Variants in SLC18A2 observed in about 807,000 individuals in gnomAD.
SLC18A2 encodes synaptic vesicular amine transporter.
A neutral mutation model predicts 59.2 loss-of-function variants in SLC18A2; 33 were observed. That is an observed-to-expected ratio of 0.56 (90% confidence interval 0.42 to 0.75). The LOEUF (loss-of-function observed/expected upper bound fraction) is 0.75. SLC18A2 is among the 30% of genes least tolerant of loss of function. The pLI, the probability that SLC18A2 is intolerant of heterozygous loss-of-function variation, is 0.00. For missense variants in SLC18A2, 569 were observed against 668.6 expected (o/e 0.85, Z 1.64); for synonymous variants, 228 against 253.5 (o/e 0.90, Z 0.95).
At chr10:117,256,085 T>A (rs1013824522) in intron 9 of SLC18A2, among the ~76,000 whole-genome samples, 1 of 152,166 alleles carries the variant, frequency 6.6e-6, no homozygotes, top group Non-Finnish European at 1.5e-5. Context: ...GAATAGAAAC[T>A]GACAGCAGAG....
chr10:117,255,251 G>C (rs1305971143), intron 6 of SLC18A2, 26 bp from the exon 7 acceptor site: 2 of 1,596,940 alleles, frequency 1.3e-6, no homozygotes, highest in African/African-American at 2.7e-5. Context: ...TCCCAGGGGT[G>C]GTGTCCCCAC....
chr10:117,273,612 T>G (rs1285487740), intron 15 of SLC18A2, among the ~76,000 whole-genome samples: 1 of 152,188 alleles, frequency 6.6e-6, no homozygotes, highest in Non-Finnish European at 1.5e-5. Context: ...ATAGACCACA[T>G]TCTGCATATT....
Position 117,244,896 on chromosome 10 carries a change from C to T in SLC18A2, c.464+583C>T, listed in dbSNP as rs363391. On this transcript the variant is annotated intron_variant, in intron 3 of 15. Transcript: ENST00000644641. ...TCTGCTGGCTACGTAGCCACGTCCA[C>T]GTGCATGAAAGGAAGAGAACTGAGG... 5.3e-3 allele frequency among the ~76,000 whole-genome samples: 807 copies of T among 152,342 alleles called. 5 individuals are homozygous for T. Among genetic ancestry groups the T allele is most frequent in the African/African-American group, 0.018 (768 of 41,576 alleles).
intron 3 of SLC18A2, among the ~76,000 whole-genome samples, chr10:117,251,292 G>A (rs1214773148): frequency 6.6e-6 from 1 of 152,178 alleles, no homozygotes; most frequent in Non-Finnish European, 1.5e-5. Context: ...AATTGCCTGT[G>A]AGTTCTCCTC....
chr10:117,277,187 C>G lies in SLC18A2; in HGVS notation c.1466C>G (p.Pro489Arg). The G allele has an allele frequency of 6.2e-7, 1 of 1,607,966 alleles. No homozygotes were observed. The highest frequency in any genetic ancestry group is 1.1e-5 in the South Asian group (1 of 90,848). Residue 489 changes from proline to arginine, a missense_variant, in exon 16 of 16, where the codon CCT becomes CGT. By Grantham distance (103) the Pro-to-Arg change is moderately radical. Around this residue, in one of 2 missense-constraint regions of SLC18A2, gnomAD observed 192 missense variants for 278.8 expected, o/e 0.69. Transcript: ENST00000644641. ...GCTATTCTCATGGATCACAACTGCC[C>G]TATTAAAACAAAAATGTACACTCAG... is the stretch of plus-strand genomic sequence containing the variant. ...KMAILMDHNC[P>R]IKTKMYTQNN...
At chr10:117,266,661 C>T (rs976491238) in intron 10 of SLC18A2, 72 bp from the exon 11 acceptor site, 26 of 1,171,320 alleles carry the variant, frequency 2.2e-5, no homozygotes, top group Non-Finnish European at 3.3e-5. Context: ...ATTGTGGTGT[C>T]TACAGTTATT....
At chr10:117,243,729 G>A (rs1844078880) in intron 2 of SLC18A2, among the ~76,000 whole-genome samples, 1 of 152,148 alleles carries the variant, frequency 6.6e-6, no homozygotes, top group Non-Finnish European at 1.5e-5. Context: ...GGGATTACAG[G>A]TGGGTGCCAC....
chr10:117,244,405 G>GA, intron 3 of SLC18A2, 92 bp downstream of exon 3: 3 of 1,226,898 alleles, frequency 2.4e-6, no homozygotes, highest in Non-Finnish European at 3.4e-6. Context: ...TCATTGGTGA[G>GA]AGTCTGGAAA....
At chr10:117,247,065 T>A (rs1293525925) in intron 3 of SLC18A2, among the ~76,000 whole-genome samples, 1 of 152,246 alleles carries the variant, frequency 6.6e-6, no homozygotes, top group Non-Finnish European at 1.5e-5. Flanking sequence ...TCCAAGATTC[T>A]GCTTCCCACC....
In SLC18A2 at chr10:117,269,226, A is replaced by C. The variant is rs973176165; in HGVS notation, c.1187-845A>C. On this transcript the variant is annotated intron_variant, in intron 13 of 15. Transcript: ENST00000644641. The surrounding 1 kb of genome is among the most constrained non-coding windows in gnomAD (Gnocchi z 5.1). ...ACATACACATACACACACATACACA[A>C]ATACAAGTACATACACAAACACATA... 6.6e-6 allele frequency among the ~76,000 whole-genome samples: 1 copy of C among 151,470 alleles called. No homozygotes were observed. The highest frequency in any genetic ancestry group is 1.5e-5 in the Non-Finnish European group (1 of 67,814).
At chr10:117,254,286 T>A in intron 5 of SLC18A2, 119 bp from the exon 6 acceptor site, 1 of 1,165,800 alleles carries the variant, frequency 8.6e-7, no homozygotes, top group South Asian at 1.4e-5. Context: ...TCTTACATTT[T>A]AGTGAATCTG....
chr10:117,251,779 C>T (rs969645173), intron 3 of SLC18A2, among the ~76,000 whole-genome samples: 2 of 151,898 alleles, frequency 1.3e-5, no homozygotes, highest in Non-Finnish European at 2.9e-5. Context: ...TGGGAATGGC[C>T]CAGGCGAAAT....
intron 5 of SLC18A2, 60 bp from the exon 6 acceptor site, chr10:117,254,345 C>T (rs148341074): frequency 0.012 from 17,554 of 1,406,462 alleles, 168 homozygotes; most frequent in South Asian, 0.019. Flanking sequence ...AGGCGAGTCA[C>T]GCATTATTCT....
Position 117,270,355 on chromosome 10 carries a change from A to C in SLC18A2, c.1332A>C (p.Ala444=), listed in dbSNP as rs900078805. 3 of 1,614,092 alleles carry C rather than the reference A, an allele frequency of 1.9e-6. No homozygotes were observed. Among genetic ancestry groups the C allele is most frequent in the Non-Finnish European group, 2.5e-6 (3 of 1,180,034 alleles). ...GTCCTTCTGCTGGTGGTGCTATTGC[A>C]AAGGCAATTGGATTTCCATGGCTCA... The part of the protein sequence containing the change: ...AIGPSAGGAI[A]KAIGFPWLMT... The change falls in exon 15 of 16, where the codon GCA becomes GCC. Residue 444 remains alanine (A), a synonymous_variant. Coordinates refer to ENST00000644641, the MANE Select transcript of SLC18A2 (RefSeq NM_003054.6).
chr10:117,257,933 T>G (rs1844248916), intron 10 of SLC18A2, 41 bp downstream of exon 10: 2 of 1,429,458 alleles, frequency 1.4e-6, no homozygotes, highest in African/African-American at 2.8e-5. Flanking sequence ...AGAGCATTTG[T>G]CCCCAGGGCA....
rs200460457 is a variant in SLC18A2, at chr10:117,254,485, A to T, written c.688A>T (p.Met230Leu). The T allele has an allele frequency of 1.6e-4, 258 of 1,607,448 alleles. No homozygotes were observed. In the East Asian group the frequency reaches 5.6e-3, roughly 35 times the overall value. The stretch of plus-strand genomic sequence containing the variant: ...GGGAATCGCCTTGGGAGGCCTGGCC[A>T]TGGGGGTCTTAGGTGGGTAAGGCCC... Reference protein sequence around the residue: ...VMGIALGGLAMGVLVGPPFGS... With the variant: ...VMGIALGGLALGVLVGPPFGS... Residue 230 changes from methionine to leucine, a missense_variant, in exon 6 of 16, where the codon ATG becomes TTG. This residue lies in a region of SLC18A2 where 377 missense variants were observed against 389.8 expected (regional missense o/e 0.97). Transcript: ENST00000644641.
At chr10:117,256,760 C>T (rs950573986) in intron 9 of SLC18A2, among the ~76,000 whole-genome samples, 12 of 152,154 alleles carry the variant, frequency 7.9e-5, no homozygotes, top group African/African-American at 2.7e-4. Context: ...CTTCTGGAAC[C>T]CTGGCATCTG....
chr10:117,269,391 TATAC>T lies in SLC18A2; in HGVS notation c.1187-671_1187-668del, dbSNP rs1844397857. Among the ~76,000 whole-genome samples the T allele has an allele frequency of 6.6e-6, 1 of 152,072 alleles. No homozygotes were observed. The highest frequency in any genetic ancestry group is 1.5e-5 in the Non-Finnish European group (1 of 68,010). ...AGACATACACAGATACATATATACA[TATAC>T]ATACATACTCATAAATACACACATA... On this transcript the variant is annotated intron_variant, in intron 13 of 15. Coordinates refer to ENST00000644641, the MANE Select transcript of SLC18A2 (RefSeq NM_003054.6). This position sits in a 1 kb window ranked among gnomAD's most constrained non-coding sequence, Gnocchi z 5.1.
At position 117,267,159 on chromosome 10, in the gene SLC18A2, T is replaced by C. The variant is rs1589984246; in HGVS notation, c.1122+124T>C. The C allele has an allele frequency of 9.6e-6, 7 of 731,418 alleles. No homozygotes were observed. The East Asian group carries it at 1.8e-4, about 19-fold the overall frequency. 45.3% of individuals were successfully genotyped at this position (731,418 alleles called of 1,614,324 possible). ...TGATGTTTTATTACAGCTTTCATTT[T>C]ATTCTAATTTTTTATCATCTTAAAA... On this transcript the variant is annotated intron_variant, in intron 12 of 15. Coordinates refer to ENST00000644641, the MANE Select transcript of SLC18A2 (RefSeq NM_003054.6).
Sources: allele counts gnomAD v4.1 joint callset (sites outside exome capture counted in the v4.1 genomes callset), GRCh38; gene constraint gnomAD v4.1.1; regional missense constraint gnomAD v4.1.1; non-coding constraint Gnocchi (gnomAD v3.1); transcripts MANE v1.5; gene names NCBI Gene and HGNC (gene_info 2026-07-23, HGNC 2026-07-21).